PIEZO2: variants seen among roughly 807,000 people sequenced by gnomAD.
PIEZO2 encodes piezo-type mechanosensitive ion channel component 2.
PIEZO2 carries 172 observed loss-of-function variants against 337.3 expected under a neutral mutation model. That is an observed-to-expected ratio of 0.51 (90% CI 0.45 to 0.58). The LOEUF is 0.58. PIEZO2 is among the 20% of genes least tolerant of loss of function. The pLI, the probability that PIEZO2 is intolerant of heterozygous loss-of-function variation, is 0.00. For synonymous variants in PIEZO2, 1,251 were observed against 1,228.5 expected (o/e 1.02, Z -0.38); for missense variants, 3,028 against 3,391.3 (o/e 0.89, Z 2.66).
chr18:10,720,295 TTCTC>T (rs1185094809), intron 36 of PIEZO2, among the ~76,000 whole-genome samples: 6 of 131,410 alleles, frequency 4.6e-5, no homozygotes, highest in Non-Finnish European at 6.3e-5. Context: ...CATATGTATA[TTCTC>T]TCTCTCTGTG....
At chr18:10,966,642 T>C (rs1335239514) in intron 3 of PIEZO2, among the ~76,000 whole-genome samples, 1 of 152,068 alleles carries the variant, frequency 6.6e-6, no homozygotes, top group African/African-American at 2.4e-5. Flanking sequence ...TTTTTATAGG[T>C]TTTTGGGAAA....
At chr18:10,965,695 G>C (rs2033967602) in intron 3 of PIEZO2, among the ~76,000 whole-genome samples, 1 of 152,156 alleles carries the variant, frequency 6.6e-6, no homozygotes, top group Non-Finnish European at 1.5e-5. Flanking sequence ...ATGTGAAAAT[G>C]CTCATAATAT....
chr18:11,077,630 G>C lies in PIEZO2; in HGVS notation c.65-11408C>G, dbSNP rs191399201. On this transcript the variant is annotated intron_variant, in intron 1 of 55. Transcript: ENST00000674853. The surrounding 1 kb of genome is among the most constrained non-coding windows in gnomAD (Gnocchi z 4.8). Reference sequence around the variant, plus strand: ...TTCGAGGCTGCAGTGAGCTGTGATCGCACCACTGCACTCCAGCCTGTTTCA... The same window carrying C: ...TTCGAGGCTGCAGTGAGCTGTGATCCCACCACTGCACTCCAGCCTGTTTCA... 4.2e-3 allele frequency among the ~76,000 whole-genome samples: 646 copies of C among 152,228 alleles called. 3 individuals carry two copies. The Middle Eastern group carries it at 0.051, about 12-fold the overall frequency.
intron 3 of PIEZO2, among the ~76,000 whole-genome samples, chr18:10,944,462 G>C (rs1488868497): frequency 6.8e-6 from 1 of 146,038 alleles, no homozygotes; most frequent in Non-Finnish European, 1.5e-5. Flanking sequence ...ATATATCTCA[G>C]TGACAGATTA....
In PIEZO2 at chr18:11,132,706, C is replaced by T. The variant is rs2040375647; in HGVS notation, c.64+15819G>A. 1.3e-5 allele frequency among the ~76,000 whole-genome samples: 2 copies of T among 152,234 alleles called. No individual in the cohort carries two copies. Among genetic ancestry groups the T allele is most frequent in the South Asian group, 4.2e-4 (2 of 4,812 alleles). ...CAGTAGACACAATGATTCCATTAAA[C>T]TGGGAGTTAAGATTGCCACCTGGAC... On this transcript the variant is annotated intron_variant, in intron 1 of 55. Coordinates refer to ENST00000674853, the MANE Select transcript of PIEZO2 (RefSeq NM_001378183.1). This position sits in a 1 kb window ranked among gnomAD's most constrained non-coding sequence, Gnocchi z 4.7.
In PIEZO2 at chr18:10,979,787, TATC is replaced by T; in HGVS notation, c.161-130_161-128del. ...TCAAAAGTATATGGAATGTAATAAT[TATC>T]ATCTTAATTATTAGTCTATAGCTAA... is the stretch of plus-strand genomic sequence containing the variant. On this transcript the variant is annotated intron_variant, in intron 2 of 55. Coordinates refer to ENST00000674853, the MANE Select transcript of PIEZO2 (RefSeq NM_001378183.1). The surrounding 1 kb of genome is among the most constrained non-coding windows in gnomAD (Gnocchi z 4.0). 1.2e-6 allele frequency: 1 copy of T among 816,978 alleles called. No individual in the cohort carries two copies. Among genetic ancestry groups the T allele is most frequent in the South Asian group, 4.6e-5 (1 of 21,718 alleles). The allele number at this position is 816,978 out of a possible 1,614,324, so 50.6% of individuals were successfully genotyped here.
intron 36 of PIEZO2, chr18:10,725,013 T>A (rs1160586893): frequency 1.3e-6 from 2 of 1,587,234 alleles, no homozygotes; most frequent in African/African-American, 1.3e-5. Flanking sequence ...CAGGCCATAG[T>A]GCCAGCAAGA....
intron 47 of PIEZO2, among the ~76,000 whole-genome samples, chr18:10,695,188 T>C (rs748525961): frequency 6.6e-6 from 1 of 152,230 alleles, no homozygotes; most frequent in Non-Finnish European, 1.5e-5. Context: ...GAGCACCAAC[T>C]GTCATAAACA....
Position 10,868,162 on chromosome 18 carries a change from C to T in PIEZO2, c.492+3091G>A, listed in dbSNP as rs114231087. Among the ~76,000 whole-genome samples, 481 of 152,276 alleles carry T rather than the reference C, an allele frequency of 3.2e-3. 3 individuals are homozygous for T. The highest frequency in any genetic ancestry group is 0.011 in the African/African-American group (458 of 41,564). On this transcript the variant is annotated intron_variant, in intron 5 of 55. Transcript: ENST00000674853. ...ATTAGTTGCTGCTTTAAAACAACAC[C>T]GCTTTTGAAAAGGAATTCTCACAGG... is the stretch of plus-strand genomic sequence containing the variant.
intron 49 of PIEZO2, among the ~76,000 whole-genome samples, chr18:10,687,522 C>A (rs2034601543): frequency 6.6e-6 from 1 of 152,104 alleles, no homozygotes; most frequent in Admixed American, 6.5e-5. Flanking sequence ...TAGTAGGCTG[C>A]AAAAATAAAG....
At chr18:10,974,387 C>G (rs191602497) in intron 3 of PIEZO2, among the ~76,000 whole-genome samples, 2 of 152,260 alleles carry the variant, frequency 1.3e-5, no homozygotes, top group African/African-American at 4.8e-5. Context: ...TCTGAGGGGG[C>G]TAACCTTTGG....
intron 7 of PIEZO2, among the ~76,000 whole-genome samples, chr18:10,825,331 T>C (rs1267597639): frequency 6.6e-6 from 1 of 152,082 alleles, no homozygotes; most frequent in Non-Finnish European, 1.5e-5. Flanking sequence ...TGCCCCTTTG[T>C]TTTGCTTTGT....
chr18:10,931,697 G>GGTGTGT (rs369138997), intron 3 of PIEZO2, among the ~76,000 whole-genome samples: 7 of 143,542 alleles, frequency 4.9e-5, no homozygotes, highest in East Asian at 2.0e-4. Flanking sequence ...TTCTCTGTGT[G>GGTGTGT]GTGTGTGTGT....
intron 36 of PIEZO2, chr18:10,725,513 C>G (rs1287091887): frequency 7.0e-7 from 1 of 1,425,590 alleles, no homozygotes; most frequent in Non-Finnish European, 9.5e-7. Context: ...GGCCTGGGAG[C>G]TGGGAGTCGT....
chr18:11,120,510 G>A (rs2040000954), intron 1 of PIEZO2, among the ~76,000 whole-genome samples: 1 of 152,136 alleles, frequency 6.6e-6, no homozygotes, highest in Non-Finnish European at 1.5e-5. Context: ...CTTGGTAGGG[G>A]CAAAGGCAGG....
chr18:10,715,749 G>A lies in PIEZO2; in HGVS notation c.5157C>T (p.Asp1719=), dbSNP rs2035985507. Residue 1719 remains aspartate, a synonymous_variant, in exon 38 of 56, where the codon GAC becomes GAT. Transcript: ENST00000674853. ...TGGAGTTAAGCCAAGTAGTGAAACTGTCCACTGTTGCCAGAAATAGGACCC... is the reference window on the plus strand; with the variant it reads ...TGGAGTTAAGCCAAGTAGTGAAACTATCCACTGTTGCCAGAAATAGGACCC... ...FTWVLFLATV[D]SFTTWLNSIS... 2 of 1,535,138 alleles carry A rather than the reference G, an allele frequency of 1.3e-6. No individual in the cohort carries two copies. Among genetic ancestry groups the A allele is most frequent in the East Asian group, 2.4e-5 (1 of 40,894 alleles).
chr18:10,840,971 T>C (rs1371660119), intron 7 of PIEZO2, among the ~76,000 whole-genome samples: 2 of 152,210 alleles, frequency 1.3e-5, no homozygotes, highest in African/African-American at 4.8e-5. Flanking sequence ...CCATATGCAG[T>C]TCCTGATAAA....
intron 5 of PIEZO2, among the ~76,000 whole-genome samples, chr18:10,869,426 C>G (rs928175495): frequency 6.6e-6 from 1 of 152,036 alleles, no homozygotes; most frequent in African/African-American, 2.4e-5. Context: ...TGTAACAAAC[C>G]TGCACTTTCT....
intron 2 of PIEZO2, among the ~76,000 whole-genome samples, chr18:11,052,277 T>C (rs1308576549): frequency 6.6e-6 from 1 of 152,232 alleles, no homozygotes; most frequent in Non-Finnish European, 1.5e-5. Context: ...CCCAAATGGA[T>C]ACTGCTTGAC....
Sources: allele counts gnomAD v4.1 joint callset (sites outside exome capture counted in the v4.1 genomes callset), GRCh38; gene constraint gnomAD v4.1.1; non-coding constraint Gnocchi (gnomAD v3.1); transcripts MANE v1.5; gene names NCBI Gene and HGNC (gene_info 2026-07-23, HGNC 2026-07-21).